NR3C1: variants seen among roughly 807,000 people sequenced by gnomAD.
The protein encoded by NR3C1 is nuclear receptor subfamily 3 group C member 1.
In NR3C1, 14 loss-of-function variants were observed where a neutral mutation model predicts 74.0. The ratio of observed to expected loss-of-function variants is 0.19; its 90% CI spans 0.12 to 0.30. The LOEUF (loss-of-function observed/expected upper bound fraction) is 0.30. Ranked by LOEUF, NR3C1 falls within the 10% of genes least tolerant of loss-of-function variation. NR3C1 has a pLI of 1.00. For synonymous variants in NR3C1, 308 were observed against 332.5 expected, an observed-to-expected ratio of 0.93 and a Z score of 0.80; for missense variants, 695 against 909.8, an observed-to-expected ratio of 0.76 and a Z score of 3.04.
At chr5:143,429,845 C>G (rs113394833) in intron 1 of NR3C1, among the ~76,000 whole-genome samples, 29,919 of 151,750 alleles carry the variant, frequency 0.2, 4,842 homozygotes, top group African/African-American at 0.44. Flanking sequence ...TTTGGGAGGC[C>G]GAGGTGGGCA....
At chr5:143,358,635 C>T (rs756571348) in intron 2 of NR3C1, among the ~76,000 whole-genome samples, 1 of 152,220 alleles carries the variant, frequency 6.6e-6, no homozygotes, top group Admixed American at 6.5e-5. Context: ...GGCGCGGTGG[C>T]TCACGCCTGT....
At chr5:143,418,912 G>A (rs1032773940) in intron 1 of NR3C1, among the ~76,000 whole-genome samples, 4 of 152,098 alleles carry the variant, frequency 2.6e-5, no homozygotes, top group Non-Finnish European at 5.9e-5. Context: ...ATAATGATCG[G>A]GTTTCCTCTT....
At position 143,330,344 on chromosome 5, in the gene NR3C1, A is replaced by G. The variant is rs117829948; in HGVS notation, c.1185-16176T>C. On this transcript the variant is annotated intron_variant, in intron 2 of 8. Transcript: ENST00000394464. Reference sequence around the variant, plus strand: ...CTACTGTTGTAGTGGGAGATGTGCAATGTGGAAGCTTTAAAATTGATAAAC... The same window carrying G: ...CTACTGTTGTAGTGGGAGATGTGCAGTGTGGAAGCTTTAAAATTGATAAAC... 1.0e-3 allele frequency among the ~76,000 whole-genome samples: 155 copies of G among 152,352 alleles called. 3 individuals carry two copies. In the East Asian group the frequency reaches 0.022, roughly 22 times the overall value.
intron 2 of NR3C1, among the ~76,000 whole-genome samples, chr5:143,322,571 T>C (rs1823614321): frequency 6.6e-6 from 1 of 152,194 alleles, no homozygotes; most frequent in African/African-American, 2.4e-5. Flanking sequence ...ATCTGTGTCA[T>C]TTGACCAAAT....
chr5:143,316,026 A>C (rs1821999098), intron 2 of NR3C1, among the ~76,000 whole-genome samples: 1 of 152,230 alleles, frequency 6.6e-6, no homozygotes, highest in Non-Finnish European at 1.5e-5. Flanking sequence ...TCCGTATTAC[A>C]AGGCATTCAT....
At chr5:143,397,623 G>T (rs61751168) in intron 2 of NR3C1, among the ~76,000 whole-genome samples, 5 of 151,870 alleles carry the variant, frequency 3.3e-5, no homozygotes, top group South Asian at 2.1e-4. Flanking sequence ...CTTCTTGTTA[G>T]GACACAGACT....
intron 7 of NR3C1, among the ~76,000 whole-genome samples, chr5:143,289,564 T>A (rs1274970827): frequency 6.6e-6 from 1 of 152,238 alleles, no homozygotes; most frequent in Non-Finnish European, 1.5e-5. Flanking sequence ...TTATACACTT[T>A]TGCTCATCTC....
chr5:143,314,978 C>T (rs1821768963), intron 2 of NR3C1, among the ~76,000 whole-genome samples: 1 of 152,148 alleles, frequency 6.6e-6, no homozygotes, highest in South Asian at 2.1e-4. Context: ...TACTAGGTCT[C>T]TAACATTTTT....
intron 2 of NR3C1, among the ~76,000 whole-genome samples, chr5:143,329,426 A>C (rs1206981660): frequency 6.6e-6 from 1 of 152,228 alleles, no homozygotes; most frequent in East Asian, 1.9e-4. Flanking sequence ...GAAAGTAGGT[A>C]TCTCTAATCC....
At chr5:143,373,556 A>G (rs535780129) in intron 2 of NR3C1, among the ~76,000 whole-genome samples, 1 of 152,316 alleles carries the variant, frequency 6.6e-6, no homozygotes, top group Admixed American at 6.5e-5. Flanking sequence ...GCGCATGTAT[A>G]CCTACGTAAC....
upstream of NR3C1, among the ~76,000 whole-genome samples, chr5:143,407,657 C>G (rs1426179981): frequency 6.6e-6 from 1 of 152,156 alleles, no homozygotes; most frequent in South Asian, 2.1e-4. Flanking sequence ...GTCCTAAGGC[C>G]AATAAAACCT....
chr5:143,321,327 G>A (rs557990415), intron 2 of NR3C1, among the ~76,000 whole-genome samples: 1 of 152,246 alleles, frequency 6.6e-6, no homozygotes, highest in East Asian at 1.9e-4. Context: ...TAGTAACCCA[G>A]ACTTACATGC....
intron 7 of NR3C1, among the ~76,000 whole-genome samples, chr5:143,288,708 A>C (rs1043946133): frequency 2.0e-5 from 3 of 152,068 alleles, no homozygotes; most frequent in African/African-American, 7.2e-5. Context: ...CCTGGGCTTA[A>C]GCGATCTGCC....
chr5:143,404,500 C>G, upstream of NR3C1: 17 of 981,004 alleles, frequency 1.7e-5, no homozygotes, highest in Non-Finnish European at 1.9e-5. Context: ...AGAACCCACC[C>G]TCCCCCGCGC....
chr5:143,421,864 C>T (rs1247783010), intron 1 of NR3C1, among the ~76,000 whole-genome samples: 3 of 151,870 alleles, frequency 2.0e-5, no homozygotes, highest in Non-Finnish European at 4.4e-5. Context: ...ACTTTTTATT[C>T]TTACTTGCTT....
At chr5:143,360,753 G>A (rs779364862) in intron 2 of NR3C1, among the ~76,000 whole-genome samples, 3 of 152,098 alleles carry the variant, frequency 2.0e-5, no homozygotes, top group Non-Finnish European at 1.5e-5. Context: ...TGTTTCCGGG[G>A]TTTCTGGTAT....
intron 2 of NR3C1, among the ~76,000 whole-genome samples, chr5:143,382,711 T>A (rs538654442): frequency 1.3e-5 from 2 of 152,200 alleles, no homozygotes; most frequent in African/African-American, 2.4e-5. Flanking sequence ...TCATATGAAG[T>A]GAGATCTGGA....
chr5:143,425,734 T>C (rs912346736), intron 1 of NR3C1, among the ~76,000 whole-genome samples: 2 of 152,138 alleles, frequency 1.3e-5, no homozygotes, highest in African/African-American at 4.8e-5. Context: ...TAAATGTTGG[T>C]GAAGATGTGG....
intron 2 of NR3C1, among the ~76,000 whole-genome samples, chr5:143,364,849 G>A (rs1561678935): frequency 6.6e-6 from 1 of 152,020 alleles, no homozygotes. Flanking sequence ...GGGACTACAG[G>A]CACACACCAC....
Sources: gnomAD v4.1 joint callset for allele counts (sites outside exome capture counted in the v4.1 genomes callset) on GRCh38, gnomAD v4.1.1 for gene constraint, MANE v1.5 for transcripts, NCBI Gene and HGNC (gene_info 2026-07-23, HGNC 2026-07-21) for gene names.